MSRA: variants seen among roughly 807,000 people sequenced by gnomAD.
MSRA encodes mitochondrial peptide methionine sulfoxide reductase.
A neutral mutation model predicts 31.3 loss-of-function variants in MSRA; 54 were observed. The observed-to-expected ratio is 1.73, with a 90% CI of 1.39 to 2.17. The LOEUF (loss-of-function observed/expected upper bound fraction) is 2.17. Ranked by LOEUF, MSRA falls within the 30% of genes most tolerant of loss-of-function variation. The pLI is 0.00. For missense variants in MSRA, 507 were observed against 300.9 expected, an observed-to-expected ratio of 1.69 and a Z score of -5.07; for synonymous variants, 169 against 116.5, an observed-to-expected ratio of 1.45 and a Z score of -2.90.
At chr8:10,256,141 C>G (rs542206694) in intron 3 of MSRA, among the ~76,000 whole-genome samples, 24 of 152,194 alleles carry the variant, frequency 1.6e-4, no homozygotes, top group African/African-American at 2.7e-4. Flanking sequence ...CATCCTCCCC[C>G]CCCAACCCCT....
At chr8:10,261,849 C>T (rs886068531) in intron 3 of MSRA, among the ~76,000 whole-genome samples, 6 of 152,182 alleles carry the variant, frequency 3.9e-5, no homozygotes, top group South Asian at 2.1e-4. Flanking sequence ...AGATTCCCTG[C>T]GCTCCACCTG....
chr8:10,352,197 G>C (rs1344700840), intron 5 of MSRA, among the ~76,000 whole-genome samples: 8 of 152,188 alleles, frequency 5.3e-5, no homozygotes. Flanking sequence ...GGACGAGAAG[G>C]AGATGTTGTA....
intron 3 of MSRA, among the ~76,000 whole-genome samples, chr8:10,260,442 C>G (rs1264290362): frequency 1.3e-5 from 2 of 152,078 alleles, no homozygotes; most frequent in African/African-American, 4.8e-5. Flanking sequence ...GACAGAATAC[C>G]CCACGACTCT....
intron 5 of MSRA, among the ~76,000 whole-genome samples, chr8:10,357,966 A>C (rs991991027): frequency 6.6e-6 from 1 of 152,194 alleles, no homozygotes; most frequent in Admixed American, 6.5e-5. Flanking sequence ...CTTGTTGTCC[A>C]GGCTAGAGTG....
At chr8:10,140,769 A>G (rs947054029) in intron 1 of MSRA, among the ~76,000 whole-genome samples, 5 of 152,204 alleles carry the variant, frequency 3.3e-5, no homozygotes, top group African/African-American at 1.2e-4. Context: ...AGTACGTTCT[A>G]CTTTGCTTTA....
At chr8:10,259,513 C>G (rs1368698777) in intron 3 of MSRA, among the ~76,000 whole-genome samples, 1 of 152,172 alleles carries the variant, frequency 6.6e-6, no homozygotes, top group Non-Finnish European at 1.5e-5. Context: ...CTCCTCCTCT[C>G]TCCCTGCTCC....
rs946123646 is a variant in MSRA, at chr8:10,280,991, C to G, written c.332-20543C>G. On this transcript the variant is annotated intron_variant, in intron 3 of 5. Transcript: ENST00000317173. ...AGAAATAAGACACATTAGTCATTAG[C>G]TTGGACGGGGGAGATGGTGGGTTTG... 4.6e-5 allele frequency among the ~76,000 whole-genome samples: 7 copies of G among 152,240 alleles called. No individual in the cohort carries two copies. In the East Asian group the frequency reaches 1.2e-3, roughly 25 times the overall value.
intron 1 of MSRA, among the ~76,000 whole-genome samples, chr8:10,083,689 T>G (rs576692123): frequency 6.6e-6 from 1 of 152,236 alleles, no homozygotes; most frequent in Non-Finnish European, 1.5e-5. Context: ...AGAGGTTTTT[T>G]TTTCCTTATT....
rs962053329 is a variant in MSRA at position 10,347,678 on chromosome 8, C to G, written c.543+27689C>G. On this transcript the variant is annotated intron_variant, in intron 5 of 5. Coordinates refer to ENST00000317173, the MANE Select transcript of MSRA (RefSeq NM_012331.5). ...CTTATGCTTCTGTCTTATGGGAAACCCTTCTGTGGCCTCGCATGTCTCAGC... is the reference window on the plus strand; with the variant it reads ...CTTATGCTTCTGTCTTATGGGAAACGCTTCTGTGGCCTCGCATGTCTCAGC... Among the ~76,000 whole-genome samples, 15 of 152,346 alleles carry G rather than the reference C, an allele frequency of 9.8e-5. No homozygotes were observed. In the South Asian group the frequency reaches 1.9e-3, roughly 19 times the overall value.
intron 5 of MSRA, among the ~76,000 whole-genome samples, chr8:10,373,070 T>C (rs2129170916): frequency 6.6e-6 from 1 of 152,210 alleles, no homozygotes; most frequent in East Asian, 1.9e-4. Context: ...TTTGTATTTT[T>C]AGTAGAGACG....
At chr8:10,326,103 G>A (rs1802348482) in intron 5 of MSRA, among the ~76,000 whole-genome samples, 1 of 152,174 alleles carries the variant, frequency 6.6e-6, no homozygotes, top group Non-Finnish European at 1.5e-5. Flanking sequence ...TTTGAGCGCT[G>A]CTGGGACCCC....
rs1411966077 is a variant in MSRA, at chr8:10,355,403, T to A, written c.543+35414T>A. On this transcript the variant is annotated intron_variant, in intron 5 of 5. Transcript: ENST00000317173. Reference sequence around the variant, plus strand: ...GCCATCACTTCTTTGATTGTCACTTTCCAAACCAAAGCAAATGAAGTCATC... The same window carrying A: ...GCCATCACTTCTTTGATTGTCACTTACCAAACCAAAGCAAATGAAGTCATC... Among the ~76,000 whole-genome samples, 3 of 152,202 alleles carry A rather than the reference T, an allele frequency of 2.0e-5. No homozygotes were observed. In the South Asian group the frequency reaches 6.2e-4, roughly 32 times the overall value.
At chr8:10,287,914 C>T (rs1431574841) in intron 3 of MSRA, among the ~76,000 whole-genome samples, 2 of 152,110 alleles carry the variant, frequency 1.3e-5, no homozygotes, top group South Asian at 2.1e-4. Flanking sequence ...CTGGAGTTGC[C>T]ATTTGCTTGT....
At chr8:10,272,366 G>A (rs570570441) in intron 3 of MSRA, among the ~76,000 whole-genome samples, 7 of 152,308 alleles carry the variant, frequency 4.6e-5, no homozygotes, top group African/African-American at 1.7e-4. Flanking sequence ...AATGCCAGCA[G>A]CCTTTAGATC....
At chr8:10,254,038 CG>C (rs1798052278) in intron 3 of MSRA, among the ~76,000 whole-genome samples, 1 of 151,978 alleles carries the variant, frequency 6.6e-6, no homozygotes, top group African/African-American at 2.4e-5. Context: ...TCCGATCTGC[CG>C]GGGACTCCTC....
chr8:10,104,728 C>T (rs192852601), intron 1 of MSRA, among the ~76,000 whole-genome samples: 7 of 152,226 alleles, frequency 4.6e-5, no homozygotes, highest in African/African-American at 1.7e-4. Flanking sequence ...TTCCTGAATT[C>T]CAAAAGGGAG....
intron 4 of MSRA, among the ~76,000 whole-genome samples, chr8:10,311,420 G>A (rs17151700): frequency 0.19 from 28,401 of 152,032 alleles, 3,881 homozygotes; most frequent in East Asian, 0.65. Context: ...GGGAGTGACC[G>A]ACACAATTCC....
chr8:10,416,936 C>T (rs147408964), intron 5 of MSRA, among the ~76,000 whole-genome samples: 30 of 152,298 alleles, frequency 2.0e-4, no homozygotes, highest in African/African-American at 6.7e-4. Context: ...AGAGAAATAT[C>T]CTTAGCAGTC....
intron 1 of MSRA, among the ~76,000 whole-genome samples, chr8:10,157,649 T>G (rs1199781350): frequency 6.6e-6 from 1 of 151,998 alleles, no homozygotes; most frequent in African/African-American, 2.4e-5. Context: ...TAATAATAGT[T>G]CTTTAATATC....
Sources: allele counts gnomAD v4.1 joint callset (sites outside exome capture counted in the v4.1 genomes callset), GRCh38; gene constraint gnomAD v4.1.1; transcripts MANE v1.5; gene names NCBI Gene and HGNC (gene_info 2026-07-23, HGNC 2026-07-21).